PPP1R9A: variants seen among roughly 807,000 people sequenced by gnomAD.
The protein encoded by PPP1R9A is neurabin-1.
Under a neutral mutation model 141.9 loss-of-function variants are expected in PPP1R9A, and 59 were observed. That is an observed-to-expected ratio of 0.42 (90% confidence interval 0.34 to 0.52). The LOEUF (loss-of-function observed/expected upper bound fraction) is 0.52, where lower values mean the gene tolerates loss of function less well. PPP1R9A is among the 20% of genes least tolerant of loss of function. The pLI is 0.10. For synonymous variants in PPP1R9A, 500 were observed against 569.7 expected, an observed-to-expected ratio of 0.88 and a Z score of 1.74; for missense variants, 1,444 against 1,611.9, an observed-to-expected ratio of 0.90 and a Z score of 1.78.
intron 18 of PPP1R9A, chr7:95,287,038 G>A: frequency 2.0e-6 from 3 of 1,468,730 alleles, no homozygotes; most frequent in South Asian, 1.1e-5. Context: ...TTAAAATTAT[G>A]TACTATATAT....
intron 2 of PPP1R9A, among the ~76,000 whole-genome samples, chr7:94,924,465 G>A (rs184009909): frequency 1.2e-3 from 179 of 152,254 alleles, no homozygotes; most frequent in Admixed American, 6.3e-3. Context: ...ACTGGGTTTT[G>A]ACTCTTATTA....
At chr7:95,045,265 G>A (rs1809836718) in intron 2 of PPP1R9A, among the ~76,000 whole-genome samples, 1 of 152,180 alleles carries the variant, frequency 6.6e-6, no homozygotes, top group Non-Finnish European at 1.5e-5. Flanking sequence ...AAATGCTTTA[G>A]AGCAGGAAAC....
chr7:95,245,657 A>G (rs997581964), intron 8 of PPP1R9A, among the ~76,000 whole-genome samples: 1 of 152,150 alleles, frequency 6.6e-6, no homozygotes, highest in African/African-American at 2.4e-5. Context: ...GTGTCTTTAC[A>G]CCTTCTTCCA....
At chr7:95,103,757 T>G (rs1349564032) in intron 2 of PPP1R9A, among the ~76,000 whole-genome samples, 1 of 152,208 alleles carries the variant, frequency 6.6e-6, no homozygotes, top group East Asian at 1.9e-4. Context: ...GTCTTATATA[T>G]AGCATGTGTA....
intron 2 of PPP1R9A, among the ~76,000 whole-genome samples, chr7:95,076,046 G>T (rs1374321350): frequency 6.6e-6 from 1 of 152,108 alleles, no homozygotes; most frequent in Non-Finnish European, 1.5e-5. Context: ...TCATCTTTAC[G>T]AAAGGAAATT....
At chr7:95,245,597 C>A (rs1798018662) in intron 8 of PPP1R9A, among the ~76,000 whole-genome samples, 1 of 152,050 alleles carries the variant, frequency 6.6e-6, no homozygotes, top group African/African-American at 2.4e-5. Context: ...TGAGTATAGA[C>A]CTCATCAGTG....
chr7:95,257,149 T>C (rs768764053), intron 12 of PPP1R9A, among the ~76,000 whole-genome samples: 28 of 152,150 alleles, frequency 1.8e-4, no homozygotes, highest in Non-Finnish European at 1.9e-4. Context: ...CAGGTTCTCC[T>C]GAGGAAGAAC....
At chr7:95,128,132 A>G (rs1210797588) in intron 4 of PPP1R9A, among the ~76,000 whole-genome samples, 2 of 152,222 alleles carry the variant, frequency 1.3e-5, no homozygotes, top group Admixed American at 6.5e-5. Flanking sequence ...ATGCCCACCA[A>G]CAGCGTGTAA....
chr7:95,266,571 T>C (rs2153041954), intron 12 of PPP1R9A, among the ~76,000 whole-genome samples: 1 of 152,162 alleles, frequency 6.6e-6, no homozygotes, highest in African/African-American at 2.4e-5. Flanking sequence ...AGCGCATTAA[T>C]TAGTTATGTA....
intron 16 of PPP1R9A, among the ~76,000 whole-genome samples, chr7:95,277,072 C>T (rs1411709550): frequency 4.6e-5 from 7 of 152,106 alleles, no homozygotes; most frequent in African/African-American, 1.7e-4. Context: ...GGGAGACTTC[C>T]TCAGAAAAAG....
chr7:94,921,765 C>T (rs1414289352), intron 2 of PPP1R9A, among the ~76,000 whole-genome samples: 4 of 152,164 alleles, frequency 2.6e-5, no homozygotes, highest in Non-Finnish European at 4.4e-5. Flanking sequence ...TTAAATTATA[C>T]ACCAGGTGTT....
intron 2 of PPP1R9A, among the ~76,000 whole-genome samples, chr7:94,927,332 A>C (rs1303624917): frequency 6.6e-6 from 1 of 152,176 alleles, no homozygotes; most frequent in Non-Finnish European, 1.5e-5. Flanking sequence ...AAATGAATTT[A>C]ATAAAAGCAC....
intron 4 of PPP1R9A, among the ~76,000 whole-genome samples, chr7:95,129,961 AG>A (rs1824285922): frequency 6.6e-6 from 1 of 152,228 alleles, no homozygotes; most frequent in African/African-American, 2.4e-5. Flanking sequence ...ACAGAATAAA[AG>A]TTTGGAAAAC....
At chr7:95,026,631 C>G (rs184532236) in intron 2 of PPP1R9A, among the ~76,000 whole-genome samples, 96 of 152,282 alleles carry the variant, frequency 6.3e-4, no homozygotes, top group African/African-American at 2.3e-3. Flanking sequence ...ATCTGCTGCT[C>G]TCTTCAGAGC....
At chr7:95,032,081 T>G (rs2151821506) in intron 2 of PPP1R9A, among the ~76,000 whole-genome samples, 1 of 152,296 alleles carries the variant, frequency 6.6e-6, no homozygotes, top group East Asian at 1.9e-4. Flanking sequence ...TAGCATGGAT[T>G]TTATTGTTTC....
At chr7:95,204,559 T>G (rs1790278432) in intron 7 of PPP1R9A, among the ~76,000 whole-genome samples, 1 of 151,844 alleles carries the variant, frequency 6.6e-6, no homozygotes, top group Non-Finnish European at 1.5e-5. Flanking sequence ...CCTATCCATA[T>G]GTGCACTGGC....
chr7:95,111,143 C>T (rs768155326), intron 2 of PPP1R9A, 116 bp from the exon 3 acceptor site: 29 of 1,144,704 alleles, frequency 2.5e-5, no homozygotes, highest in Non-Finnish European at 3.5e-5. Flanking sequence ...ATTTTAAAGA[C>T]AAAACAGTTG....
chr7:95,098,730 T>G (rs1446192334), intron 2 of PPP1R9A, among the ~76,000 whole-genome samples: 3 of 152,158 alleles, frequency 2.0e-5, no homozygotes, highest in South Asian at 2.1e-4. Context: ...GGCTGTTTCA[T>G]TCTGTTTCCA....
At chr7:95,249,935 T>C (rs1798641529) in intron 9 of PPP1R9A, 91 bp from the exon 10 acceptor site, 1 of 1,444,348 alleles carries the variant, frequency 6.9e-7, no homozygotes, top group Non-Finnish European at 9.1e-7. Context: ...TTTATGATAA[T>C]AGAACTTGAT....
Sources: gnomAD v4.1 joint callset for allele counts (sites outside exome capture counted in the v4.1 genomes callset) on GRCh38, gnomAD v4.1.1 for gene constraint, MANE v1.5 for transcripts, NCBI Gene and HGNC (gene_info 2026-07-23, HGNC 2026-07-21) for gene names.